ZNF880: variants seen among roughly 807,000 people sequenced by gnomAD.
ZNF880 encodes the protein zinc finger protein LOC400713.
In ZNF880, 12 loss-of-function variants were observed where a neutral mutation model predicts 11.8. That is an observed-to-expected ratio of 1.02 (90% confidence interval 0.65 to 1.65). The LOEUF is 1.65. Ranked by LOEUF, ZNF880 falls within the 40% of genes most tolerant of loss-of-function variation. The pLI, the probability that ZNF880 is intolerant of heterozygous loss-of-function variation, is 0.00. For missense variants in ZNF880, 601 were observed against 673.9 expected, an observed-to-expected ratio of 0.89 and a Z score of 1.20; for synonymous variants, 210 against 232.4, an observed-to-expected ratio of 0.90 and a Z score of 0.88.
At chr19:52,381,336 T>G (rs548846768) in intron 3 of ZNF880, among the ~76,000 whole-genome samples, 2 of 152,332 alleles carry the variant, frequency 1.3e-5, no homozygotes, top group South Asian at 2.1e-4. Context: ...TTTCATCATT[T>G]TATAATAATC....
At chr19:52,390,872 C>T in the ZNF880 span, 9 of 152,556 alleles carry the variant, frequency 5.9e-5, no homozygotes, top group African/African-American at 1.9e-4. Flanking sequence ...GCGGAGGTTG[C>T]GGTGAGCCAA....
At chr19:52,370,737 G>C (rs1010154624) in intron 1 of ZNF880, 1 of 152,190 alleles carries the variant, frequency 6.6e-6, no homozygotes, top group Admixed American at 6.5e-5. Context: ...AAACTGAATT[G>C]AGCACAGTTT....
upstream of ZNF880, chr19:52,366,882 ATCAC>A (rs1374613229): frequency 1.3e-5 from 10 of 747,712 alleles, no homozygotes; most frequent in Non-Finnish European, 2.2e-5. Context: ...TTGAAGCCTC[ATCAC>A]TCATCTCTTG....
chr19:52,392,341 C>T, the ZNF880 span, among the ~76,000 whole-genome samples: 44 of 152,092 alleles, frequency 2.9e-4, no homozygotes, highest in African/African-American at 1.0e-3. Context: ...CGCTCTGTCA[C>T]CCAGGCTAGA....
intron 1 of ZNF880, among the ~76,000 whole-genome samples, chr19:52,372,803 G>A (rs1389956412): frequency 5.3e-5 from 8 of 149,556 alleles, no homozygotes; most frequent in African/African-American, 2.0e-4. Flanking sequence ...CCAGCTACTC[G>A]GGAGGCTGAG....
Position 52,384,770 on chromosome 19 carries a change from A to G in ZNF880, c.1190A>G (p.Asn397Ser), listed in dbSNP as rs377421505. 70 of 837,072 alleles carry G rather than the reference A, an allele frequency of 8.4e-5. No individual in the cohort carries two copies. The African/African-American group carries it at 9.5e-4, about 11-fold the overall frequency. 51.9% of individuals were successfully genotyped at this position (837,072 alleles called of 1,614,324 possible). ...KVFRHKFCLT[N>S]HHRMHTGEQP... ...TTCAGGCACAAGTTTTGTCTAACCA[A>G]TCATCATAGAATGCACACGGGAGAG... Residue 397 changes from asparagine to serine, a missense_variant, in exon 4 of 4, where the codon AAT becomes AGT. Asn to Ser is a conservative substitution (Grantham distance 46, BLOSUM62 1). This residue lies in a region of ZNF880 where 177 missense variants were observed against 214.5 expected (regional missense o/e 0.83). Coordinates refer to ENST00000422689, the MANE Select transcript of ZNF880 (RefSeq NM_001145434.2).
At chr19:52,387,733 G>C (rs553298769), downstream of ZNF880, among the ~76,000 whole-genome samples, 2 of 143,108 alleles carry the variant, frequency 1.4e-5, no homozygotes, top group Non-Finnish European at 3.0e-5. Context: ...ACAGGCGTGA[G>C]CCACTGTGCC....
chr19:52,387,452 C>CTTT (rs10646059), downstream of ZNF880, among the ~76,000 whole-genome samples: 86,046 of 127,166 alleles, frequency 0.68, 32,415 homozygotes, highest in Middle Eastern at 0.83. Flanking sequence ...ATGACAAATA[C>CTTT]TTTTTTTTTT....
chr19:52,388,575 C>T (rs557973692), downstream of ZNF880, among the ~76,000 whole-genome samples: 8 of 152,060 alleles, frequency 5.3e-5, no homozygotes, highest in South Asian at 6.2e-4. Flanking sequence ...CATGCTTGAC[C>T]GATAATTTGA....
At chr19:52,386,971 T>A (rs1256476983), downstream of ZNF880, among the ~76,000 whole-genome samples, 1 of 144,062 alleles carries the variant, frequency 6.9e-6, no homozygotes, top group Non-Finnish European at 1.5e-5. Context: ...CATGTTTTAA[T>A]TAATAAAATT....
chr19:52,378,795 G>T (rs1380819467), intron 3 of ZNF880, among the ~76,000 whole-genome samples: 2 of 151,938 alleles, frequency 1.3e-5, no homozygotes, highest in African/African-American at 4.8e-5. Context: ...AATGAACTTG[G>T]GGCCAGGCAC....
chr19:52,369,704 T>G (rs1404489176), upstream of ZNF880, among the ~76,000 whole-genome samples: 1 of 152,054 alleles, frequency 6.6e-6, no homozygotes, highest in East Asian at 1.9e-4. Context: ...ACAGCCGATT[T>G]AAAATTAATT....
the ZNF880 span, among the ~76,000 whole-genome samples, chr19:52,393,060 C>G: frequency 3.4e-5 from 5 of 145,830 alleles, no homozygotes; most frequent in Non-Finnish European, 7.5e-5. Context: ...TAGTATAAAT[C>G]CTGTTAGTTT....
chr19:52,380,230 G>A (rs62108317), intron 3 of ZNF880, among the ~76,000 whole-genome samples: 54,928 of 151,760 alleles, frequency 0.36, 10,225 homozygotes, highest in South Asian at 0.51. Flanking sequence ...TACATTTCCA[G>A]CAACAGAACA....
chr19:52,370,499 C>G (rs1354575886), intron 1 of ZNF880: 1 of 156,254 alleles, frequency 6.4e-6, no homozygotes, highest in East Asian at 1.8e-4. Flanking sequence ...CACTTTTGCA[C>G]CAACCTAATA....
the ZNF880 span, among the ~76,000 whole-genome samples, chr19:52,394,128 T>C: frequency 4.0e-5 from 6 of 149,780 alleles, no homozygotes; most frequent in Admixed American, 6.7e-5. Flanking sequence ...TGTAAGCCAC[T>C]GCACCCGGCC....
chr19:52,373,277 G>T (rs1430819063), intron 2 of ZNF880, 40 bp downstream of exon 2: 1 of 1,579,376 alleles, frequency 6.3e-7, no homozygotes, highest in Non-Finnish European at 8.6e-7. Flanking sequence ...ATCTGCCCTG[G>T]TGTATTTTTG....
chr19:52,377,851 A>G (rs1568662260), intron 3 of ZNF880, among the ~76,000 whole-genome samples: 2 of 151,820 alleles, frequency 1.3e-5, no homozygotes, highest in Non-Finnish European at 2.9e-5. Context: ...ATTATTTTTT[A>G]TTTTTTATTT....
chr19:52,383,643 A>G (rs1986766008), intron 3 of ZNF880, among the ~76,000 whole-genome samples: 1 of 152,152 alleles, frequency 6.6e-6, no homozygotes, highest in Non-Finnish European at 1.5e-5. Context: ...AAACTCACCC[A>G]TAATCCACCT....
Sources: gnomAD v4.1 joint callset for allele counts (sites outside exome capture counted in the v4.1 genomes callset) on GRCh38, gnomAD v4.1.1 for gene constraint, gnomAD v4.1.1 regional missense constraint, MANE v1.5 for transcripts, NCBI Gene and HGNC (gene_info 2026-07-23, HGNC 2026-07-21) for gene names.